The following LRBA variants were observed in gnomAD, a reference collection of about 807,000 sequenced individuals.
LRBA encodes LPS responsive beige-like anchor protein.
LRBA carries 176 observed loss-of-function variants against 330.0 expected under a neutral mutation model. The ratio of observed to expected loss-of-function variants is 0.53; its 90% CI spans 0.47 to 0.60. The LOEUF (loss-of-function observed/expected upper bound fraction) is 0.60, where lower values mean the gene tolerates loss of function less well. Ranked by LOEUF, LRBA falls within the 20% of genes least tolerant of loss-of-function variation. LRBA has a pLI of 0.00. For synonymous variants in LRBA, 1,230 were observed against 1,193.0 expected, an observed-to-expected ratio of 1.03 and a Z score of -0.64; for missense variants, 3,259 against 3,444.8, an observed-to-expected ratio of 0.95 and a Z score of 1.35.
intron 44 of LRBA, among the ~76,000 whole-genome samples, chr4:150,464,341 A>G (rs528724388): frequency 6.6e-6 from 1 of 152,164 alleles, no homozygotes; most frequent in East Asian, 1.9e-4. Context: ...TTACTTTTGC[A>G]AACACAAAAT....
At chr4:150,303,890 A>G (rs60105956) in intron 52 of LRBA, among the ~76,000 whole-genome samples, 27,357 of 152,152 alleles carry the variant, frequency 0.18, 2,828 homozygotes, top group East Asian at 0.26. Context: ...CCCTTTAAGA[A>G]TCTTTGTTTA....
chr4:150,780,618 CATATATATACACGTAT>C (rs1231230057), intron 34 of LRBA, among the ~76,000 whole-genome samples: 1 of 147,168 alleles, frequency 6.8e-6, no homozygotes, highest in Admixed American at 6.9e-5. Context: ...TATATATATA[CATATATATACACGTAT>C]ATATATATAT....
chr4:150,439,736 AACAAT>A (rs2152001584), intron 44 of LRBA, among the ~76,000 whole-genome samples: 1 of 152,292 alleles, frequency 6.6e-6, no homozygotes, highest in African/African-American at 2.4e-5. Flanking sequence ...GAACCATCCT[AACAAT>A]AGATCTGTAA....
chr4:150,590,700 C>T lies in LRBA; in HGVS notation c.6193+13G>A, dbSNP rs2126457688. 1 of 1,612,076 alleles carries T rather than the reference C, an allele frequency of 6.2e-7. No homozygotes were observed. Among genetic ancestry groups the T allele is most frequent in the Admixed American group, 1.7e-5 (1 of 59,820 alleles). On this transcript the variant is annotated intron_variant, in intron 39 of 56. Coordinates refer to ENST00000651943, the MANE Select transcript of LRBA (RefSeq NM_001364905.1). ...AGAGGTAGCTGAAATATCTGCACAA[C>T]CACCAAATTTACCGGCAAGATTCTC...
At chr4:150,309,609 G>C (rs1036327390) in intron 52 of LRBA, among the ~76,000 whole-genome samples, 10 of 152,018 alleles carry the variant, frequency 6.6e-5, no homozygotes, top group African/African-American at 2.4e-4. Context: ...CATTTACTCA[G>C]CCGGATCTCC....
At chr4:150,432,579 T>A (rs1012555182) in intron 46 of LRBA, among the ~76,000 whole-genome samples, 2 of 149,428 alleles carry the variant, frequency 1.3e-5, no homozygotes, top group Non-Finnish European at 3.0e-5. Context: ...TGCCTCAGCC[T>A]CCCGAGTAGC....
chr4:150,885,312 G>A (rs554187039), intron 17 of LRBA, among the ~76,000 whole-genome samples: 33 of 151,780 alleles, frequency 2.2e-4, no homozygotes, highest in Admixed American at 5.2e-4. Context: ...ATAAACCACC[G>A]AAGTGAAAGT....
chr4:150,886,976 G>A (rs1327536970), intron 17 of LRBA, among the ~76,000 whole-genome samples: 2 of 152,150 alleles, frequency 1.3e-5, no homozygotes, highest in African/African-American at 4.8e-5. Context: ...AAGTCTAAAT[G>A]AATTGAAAAA....
chr4:150,507,599 A>G (rs1422362449), intron 40 of LRBA, among the ~76,000 whole-genome samples: 2 of 152,208 alleles, frequency 1.3e-5, no homozygotes, highest in Non-Finnish European at 2.9e-5. Context: ...AAAGACTTAC[A>G]TGTTAGACCT....
At chr4:150,639,753 A>ATGTG (rs755120231) in intron 37 of LRBA, among the ~76,000 whole-genome samples, 1,740 of 26,374 alleles carry the variant, frequency 0.066, 612 homozygotes, top group East Asian at 0.087. Flanking sequence ...ATATATATAT[A>ATGTG]TATATATATA....
chr4:150,643,318 A>G (rs1385267436), intron 37 of LRBA, among the ~76,000 whole-genome samples: 1 of 151,962 alleles, frequency 6.6e-6, no homozygotes, highest in Non-Finnish European at 1.5e-5. Flanking sequence ...CAAAGAAAAA[A>G]TTAATTTATA....
At chr4:150,555,182 T>C (rs1021056131) in intron 40 of LRBA, among the ~76,000 whole-genome samples, 5 of 152,188 alleles carry the variant, frequency 3.3e-5, no homozygotes, top group African/African-American at 4.8e-5. Flanking sequence ...CCATCAACTC[T>C]AGGTCTTGTG....
At chr4:150,629,087 A>G (rs528398051) in intron 37 of LRBA, among the ~76,000 whole-genome samples, 11 of 152,234 alleles carry the variant, frequency 7.2e-5, no homozygotes, top group African/African-American at 2.2e-4. Context: ...TCTTTTGTAG[A>G]GACCAGATCT....
chr4:150,790,267 T>G (rs945605774), intron 34 of LRBA, among the ~76,000 whole-genome samples: 10 of 152,298 alleles, frequency 6.6e-5, no homozygotes, highest in African/African-American at 2.4e-4. Flanking sequence ...AAAATTTACC[T>G]CAAAGGTTGT....
chr4:150,562,343 CATAT>C (rs1440805354), intron 40 of LRBA, among the ~76,000 whole-genome samples: 2 of 152,172 alleles, frequency 1.3e-5, no homozygotes, highest in East Asian at 3.8e-4. Flanking sequence ...TACATACATA[CATAT>C]ATATTCAGCC....
At chr4:150,702,173 T>C (rs1785184362) in intron 36 of LRBA, among the ~76,000 whole-genome samples, 1 of 152,298 alleles carries the variant, frequency 6.6e-6, no homozygotes, top group Middle Eastern at 3.4e-3. Context: ...AATAGTATTA[T>C]AAGATTTCGT....
chr4:150,646,144 C>A lies in LRBA; in HGVS notation c.5921+37407G>T, dbSNP rs147532496. Among the ~76,000 whole-genome samples the A allele has an allele frequency of 7.1e-3, 1,081 of 151,802 alleles. 10 individuals are homozygous for A. The highest frequency in any genetic ancestry group is 0.037 in the Middle Eastern group (11 of 294). ...AATAATGATTTTTCTCTAGACCAGG[C>A]AAAGCAGATGATGGGAAATGTCCAG... On this transcript the variant is annotated intron_variant, in intron 37 of 56. Coordinates refer to ENST00000651943, the MANE Select transcript of LRBA (RefSeq NM_001364905.1).
intron 35 of LRBA, among the ~76,000 whole-genome samples, chr4:150,752,697 A>G (rs1160596370): frequency 6.6e-6 from 1 of 152,118 alleles, no homozygotes; most frequent in Non-Finnish European, 1.5e-5. Context: ...TTAGTAATTT[A>G]ATATAAATGT....
rs575938531 is a variant in LRBA, at chr4:150,862,641, C to T, written c.2766+5030G>A. 3.4e-3 allele frequency among the ~76,000 whole-genome samples: 509 copies of T among 148,754 alleles called. 3 individuals are homozygous for T. Among genetic ancestry groups the T allele is most frequent in the African/African-American group, 0.012 (486 of 40,482 alleles). On this transcript the variant is annotated intron_variant, in intron 22 of 56. Transcript: ENST00000651943. ...GGTATACATATGTAACAAACCTGCA[C>T]GTTGTGTACATGTACCCTAGAACTT...
Sources: gnomAD v4.1 joint callset for allele counts (sites outside exome capture counted in the v4.1 genomes callset) on GRCh38, gnomAD v4.1.1 for gene constraint, MANE v1.5 for transcripts, NCBI Gene and HGNC (gene_info 2026-07-23, HGNC 2026-07-21) for gene names.